Variants in RAF1 observed in about 807,000 individuals in gnomAD.
The protein encoded by RAF1 is RAF proto-oncogene serine/threonine-protein kinase.
A neutral mutation model predicts 81.1 loss-of-function variants in RAF1; 27 were observed. The observed-to-expected ratio is 0.33, with a 90% confidence interval of 0.25 to 0.46. RAF1 has a LOEUF of 0.46. Ranked by LOEUF, RAF1 falls within the 20% of genes least tolerant of loss-of-function variation. The probability of loss-of-function intolerance (pLI) is 1.00; values close to 1 mark genes in which losing one functional copy is unlikely to be tolerated. For missense variants in RAF1, 598 were observed against 826.0 expected, an observed-to-expected ratio of 0.72 and a Z score of 3.38; for synonymous variants, 298 against 294.0, an observed-to-expected ratio of 1.01 and a Z score of -0.14.
At chr3:12,654,014 C>T (rs570941176) in intron 1 of RAF1, among the ~76,000 whole-genome samples, 3 of 149,358 alleles carry the variant, frequency 2.0e-5, no homozygotes, top group African/African-American at 7.4e-5. Context: ...TTTCAAGAGA[C>T]AGCATCTTGT....
chr3:12,590,747 G>A (rs1575544371), intron 13 of RAF1, 51 bp downstream of exon 12: 2 of 1,550,592 alleles, frequency 1.3e-6, no homozygotes, highest in Non-Finnish European at 1.8e-6. Flanking sequence ...TTCCAATTTA[G>A]GGACAAATTT....
intron 1 of RAF1, among the ~76,000 whole-genome samples, chr3:12,637,004 T>C (rs1198145846): frequency 1.3e-5 from 2 of 152,140 alleles, no homozygotes; most frequent in African/African-American, 4.8e-5. Flanking sequence ...ATAATAATGG[T>C]ACAAACTTCA....
chr3:12,628,864 C>T (rs139966816), intron 1 of RAF1, among the ~76,000 whole-genome samples: 2 of 152,010 alleles, frequency 1.3e-5, no homozygotes, highest in Admixed American at 6.6e-5. Context: ...TGATCCTCCC[C>T]CTTCAGCCTC....
intron 1 of RAF1, among the ~76,000 whole-genome samples, chr3:12,634,985 G>A (rs1167477760): frequency 6.6e-6 from 1 of 152,010 alleles, no homozygotes; most frequent in Non-Finnish European, 1.5e-5. Context: ...ACTGATATAA[G>A]GAAAAAGTCT....
At chr3:12,643,678 G>A (rs968019859) in intron 1 of RAF1, among the ~76,000 whole-genome samples, 9 of 151,872 alleles carry the variant, frequency 5.9e-5, no homozygotes. Flanking sequence ...AGAGGTTGCA[G>A]TGAGCCAAAA....
intron 1 of RAF1, among the ~76,000 whole-genome samples, chr3:12,634,706 G>C (rs1227597330): frequency 6.6e-6 from 1 of 152,098 alleles, no homozygotes; most frequent in African/African-American, 2.4e-5. Flanking sequence ...AGGGAGGAAA[G>C]TGGTTGGAGG....
rs933142627 is a variant in RAF1, at chr3:12,584,611, T to C, written c.1910A>G (p.Asn637Ser). 1.2e-5 allele frequency: 19 copies of C among 1,613,906 alleles called. No individual in the cohort carries two copies. The highest frequency in any genetic ancestry group is 2.7e-5 in the African/African-American group (2 of 74,902). Residue 637 changes from asparagine to serine, a missense_variant, in exon 18 of 18, where the codon AAC (asparagine) becomes AGC (serine). Around this residue, in one of 5 missense-constraint regions of RAF1, gnomAD observed 147 missense variants for 196.1 expected, o/e 0.75. Transcript: ENST00000442415. ...CAAGGATGGCTCGGAAGCGCTCCGG[T>C]TGATCTTCGGTAGAGAGTGTTGGAG...
chr3:12,635,126 G>C (rs942574358), intron 1 of RAF1, among the ~76,000 whole-genome samples: 2 of 151,854 alleles, frequency 1.3e-5, no homozygotes, highest in African/African-American at 4.8e-5. Flanking sequence ...ATGAGTTCAA[G>C]ACCAGCCTGG....
At chr3:12,631,096 G>T (rs887891057) in intron 1 of RAF1, among the ~76,000 whole-genome samples, 4 of 152,134 alleles carry the variant, frequency 2.6e-5, no homozygotes, top group African/African-American at 9.7e-5. Flanking sequence ...AAGGTGGGCG[G>T]ATGAGCCCAA....
intron 15 of RAF1, 27 bp downstream of exon 14, chr3:12,585,654 A>C: frequency 1.3e-6 from 2 of 1,548,698 alleles, no homozygotes; most frequent in South Asian, 1.1e-5. Context: ...TATACCAGAG[A>C]CTGCTGGTGG....
chr3:12,655,186 G>A (rs530397498), intron 1 of RAF1, among the ~76,000 whole-genome samples: 11 of 152,248 alleles, frequency 7.2e-5, no homozygotes, highest in Non-Finnish European at 1.3e-4. Flanking sequence ...GAGTTCAAGC[G>A]ATTCTCCTGC....
At chr3:12,645,398 A>G (rs903209572) in intron 1 of RAF1, among the ~76,000 whole-genome samples, 9 of 152,176 alleles carry the variant, frequency 5.9e-5, no homozygotes, top group Non-Finnish European at 1.3e-4. Context: ...GAAGAAAAAA[A>G]GTAAAATTCA....
chr3:12,624,895 A>C (rs1398061087), intron 1 of RAF1, among the ~76,000 whole-genome samples: 2 of 150,336 alleles, frequency 1.3e-5, no homozygotes, highest in African/African-American at 4.9e-5. Flanking sequence ...CAAAAAAAAA[A>C]AAAAAAACAA....
At chr3:12,632,228 G>A (rs1178976183) in intron 1 of RAF1, among the ~76,000 whole-genome samples, 1 of 150,200 alleles carries the variant, frequency 6.7e-6, no homozygotes, top group Admixed American at 6.9e-5. Context: ...GGAGGCTGAG[G>A]CAGGTGAATT....
chr3:12,605,250 A>ATATGTGTG (rs1553613998), intron 6 of RAF1, among the ~76,000 whole-genome samples: 2,853 of 144,600 alleles, frequency 0.02, 48 homozygotes, highest in African/African-American at 0.048. Context: ...ATTACACATT[A>ATATGTGTG]TGTGTGTGTG....
chr3:12,609,045 T>C (rs1436580143), intron 4 of RAF1, 122 bp from the exon 5 acceptor site: 1 of 1,205,580 alleles, frequency 8.3e-7, no homozygotes, highest in African/African-American at 1.5e-5. Flanking sequence ...ATGTACAGAA[T>C]TCATAATCAC....
chr3:12,617,662 G>C (rs1022640822), intron 2 of RAF1, among the ~76,000 whole-genome samples: 1 of 151,672 alleles, frequency 6.6e-6, no homozygotes, highest in African/African-American at 2.4e-5. Flanking sequence ...GAGGCAGGTG[G>C]ATTACCTGAG....
In RAF1 at chr3:12,584,127, A is replaced by C; in HGVS notation, c.*387T>G. On this transcript the variant is annotated 3_prime_UTR_variant, in exon 18 of 18. Transcript: ENST00000442415. Reference sequence around the variant, plus strand: ...CATTCCTCCAGAAGCTGATTTCCAAAATCCCATGTGTCTCCACATCAGGGC... The same window carrying C: ...CATTCCTCCAGAAGCTGATTTCCAACATCCCATGTGTCTCCACATCAGGGC... 1 of 329,148 alleles carries C rather than the reference A, an allele frequency of 3.0e-6. No individual in the cohort carries two copies. Among genetic ancestry groups the C allele is most frequent in the East Asian group, 4.6e-5 (1 of 21,786 alleles). The allele number at this position is 329,148 out of a possible 1,614,324, so 20.4% of individuals were successfully genotyped here. A position where few individuals can be genotyped will look rare whatever the true frequency, so the allele number is the denominator to read the frequency against.
intron 1 of RAF1, among the ~76,000 whole-genome samples, chr3:12,629,893 C>T (rs982696485): frequency 2.0e-5 from 3 of 152,242 alleles, no homozygotes; most frequent in Admixed American, 2.0e-4. Context: ...AGCAATCCTC[C>T]TGCCTCAGCT....
Sources: allele counts gnomAD v4.1 joint callset (sites outside exome capture counted in the v4.1 genomes callset), GRCh38; gene constraint gnomAD v4.1.1; regional missense constraint gnomAD v4.1.1; transcripts MANE v1.5; gene names NCBI Gene and HGNC (gene_info 2026-07-23, HGNC 2026-07-21).